KNDC1: variants seen among roughly 807,000 people sequenced by gnomAD.
The protein encoded by KNDC1 is kinase non-catalytic C-lobe domain-containing protein 1.
In KNDC1, 106 loss-of-function variants were observed where a neutral mutation model predicts 172.8. The observed-to-expected ratio is 0.61, with a 90% CI of 0.52 to 0.72. KNDC1 has a LOEUF of 0.72. Among genes scored for constraint, KNDC1 ranks in the 30% least tolerant of loss-of-function variants. The pLI is 0.00. For synonymous variants in KNDC1, 1,083 were observed against 1,062.2 expected, an observed-to-expected ratio of 1.02 and a Z score of -0.38; for missense variants, 2,325 against 2,394.5, an observed-to-expected ratio of 0.97 and a Z score of 0.61.
intron 6 of KNDC1, 34 bp downstream of exon 6, chr10:133,186,708 G>A: frequency 6.7e-7 from 1 of 1,503,472 alleles, no homozygotes; most frequent in South Asian, 1.3e-5. Flanking sequence ...GGGTGGAGGG[G>A]TCGGCGGTCA....
intron 3 of KNDC1, among the ~76,000 whole-genome samples, chr10:133,177,653 T>C (rs1853584233): frequency 2.0e-5 from 3 of 151,988 alleles, no homozygotes; most frequent in Admixed American, 1.3e-4. Flanking sequence ...TTGCATGATG[T>C]GTACATGCAT....
chr10:133,168,653 A>G (rs1206687871), intron 3 of KNDC1, among the ~76,000 whole-genome samples: 3 of 152,162 alleles, frequency 2.0e-5, no homozygotes, highest in African/African-American at 2.4e-5. Flanking sequence ...CGAATTTACT[A>G]CACTTAACAT....
At position 133,163,424 on chromosome 10, in the gene KNDC1, GT is replaced by G. The variant is rs1853042236; in HGVS notation, c.102+2856del. On this transcript the variant is annotated intron_variant, in intron 1 of 29. Coordinates refer to ENST00000304613, the MANE Select transcript of KNDC1 (RefSeq NM_152643.8). This position sits in a 1 kb window ranked among gnomAD's most constrained non-coding sequence, Gnocchi z 4.4. ...GGGGGCTCCCAGTAAAGAAGAGGAC[GT>G]CCCCGCTGCAGGGTCCATATGACAT... Among the ~76,000 whole-genome samples the G allele has an allele frequency of 6.6e-6, 1 of 152,146 alleles. No individual in the cohort carries two copies. The highest frequency in any genetic ancestry group is 2.1e-4 in the South Asian group (1 of 4,820).
At chr10:133,187,944 C>T (rs1280022334) in intron 6 of KNDC1, among the ~76,000 whole-genome samples, 1 of 133,454 alleles carries the variant, frequency 7.5e-6, no homozygotes, top group African/African-American at 3.7e-5. Context: ...CCCTGCACCC[C>T]GTCCCACCCT....
At chr10:133,164,949 C>T (rs569851605) in intron 1 of KNDC1, among the ~76,000 whole-genome samples, 65 of 151,950 alleles carry the variant, frequency 4.3e-4, no homozygotes, top group Middle Eastern at 3.2e-3. Flanking sequence ...AGTGTGGATT[C>T]GGGCAAGGAG....
At chr10:133,178,709 C>G (rs1853629551) in intron 3 of KNDC1, 3 of 152,354 alleles carry the variant, frequency 2.0e-5, no homozygotes. Context: ...CTCTTTCTTC[C>G]TTGTGGTTTT....
chr10:133,214,754 G>A (rs1845441539), intron 26 of KNDC1, among the ~76,000 whole-genome samples: 1 of 152,246 alleles, frequency 6.6e-6, no homozygotes, highest in Admixed American at 6.5e-5. Context: ...CCGGGGCCCA[G>A]TCTCAGCCTC....
Position 133,183,472 on chromosome 10 carries a change from G to A in KNDC1, c.489G>A (p.Gly163=). The change falls in exon 4 of 30, where the codon GGG becomes GGA. Residue 163 remains glycine (G), a synonymous_variant. Coordinates refer to ENST00000304613, the MANE Select transcript of KNDC1 (RefSeq NM_152643.8). ...GCCGGATGCAGGCGGAGGACCCCGGGGACCGGCCGGACCTTGAGGTAAGCG... is the reference window on the plus strand; with the variant it reads ...GCCGGATGCAGGCGGAGGACCCCGGAGACCGGCCGGACCTTGAGGTAAGCG... ...LLSRMQAEDP[G]DRPDLESIIA... 3.7e-6 allele frequency: 6 copies of A among 1,603,286 alleles called. No homozygotes were observed. Among genetic ancestry groups the A allele is most frequent in the Non-Finnish European group, 4.2e-6 (5 of 1,177,352 alleles).
chr10:133,200,382 G>A lies in KNDC1; in HGVS notation c.2911G>A (p.Glu971Lys), dbSNP rs753437659. 8.4e-5 allele frequency: 134 copies of A among 1,591,826 alleles called. No individual in the cohort carries two copies. The highest frequency in any genetic ancestry group is 1.1e-4 in the Non-Finnish European group (126 of 1,170,244). The change falls in exon 16 of 30, where the codon GAG becomes AAG. Residue 971 changes from glutamate (E) to lysine (K), a missense_variant. Physicochemically the swap from Glu to Lys is moderately conservative, Grantham distance 56. Transcript: ENST00000304613. The stretch of plus-strand genomic sequence containing the variant: ...CTGCATTCTCGTCGTCAGCACGGCC[G>A]AGGAGGCTGGGTCACAGCTCGAGGG... ...GQASPSPSTAEEAGSQLEGSQ... is the reference protein window; with the variant it reads ...GQASPSPSTAKEAGSQLEGSQ...
intron 3 of KNDC1, among the ~76,000 whole-genome samples, chr10:133,180,293 C>T (rs1853677732): frequency 6.6e-6 from 1 of 152,248 alleles, no homozygotes; most frequent in African/African-American, 2.4e-5. Flanking sequence ...GAGCTCCCTG[C>T]ATCGGTGCAA....
intron 29 of KNDC1, among the ~76,000 whole-genome samples, chr10:133,223,268 GGCATGTGT>G (rs1845646227): frequency 2.6e-5 from 1 of 39,138 alleles, no homozygotes; most frequent in Admixed American, 3.3e-4. Flanking sequence ...TGCTCTTCTC[GGCATGTGT>G]GTGTGTGTGT....
chr10:133,160,359 C>A lies in KNDC1; in HGVS notation c.-109C>A. 1 of 400,586 alleles carries A rather than the reference C, an allele frequency of 2.5e-6. No homozygotes were observed. The highest frequency in any genetic ancestry group is 3.8e-6 in the Non-Finnish European group (1 of 264,986). The allele number at this position is 400,586 out of a possible 1,614,324, so 24.8% of individuals were successfully genotyped here. On this transcript the variant is annotated 5_prime_UTR_variant, in exon 1 of 30. Transcript: ENST00000304613. ...AGACACTGCGGCAGCGGCGGGCGGG[C>A]GGGGGCGGGCGAGGGCCGGGCGCGT...
Position 133,224,565 on chromosome 10 carries a change from C to G in KNDC1, c.5019-94C>G. ...ATTTACACGGTGAAAAGATTTAGTCCAAATGATTCCTAAGAACGCGGGGGG... is the reference window on the plus strand; with the variant it reads ...ATTTACACGGTGAAAAGATTTAGTCGAAATGATTCCTAAGAACGCGGGGGG... On this transcript the variant is annotated intron_variant, in intron 29 of 29. Coordinates refer to ENST00000304613, the MANE Select transcript of KNDC1 (RefSeq NM_152643.8). This position sits in a 1 kb window ranked among gnomAD's most constrained non-coding sequence, Gnocchi z 5.4. 1.2e-6 allele frequency: 1 copy of G among 859,998 alleles called. No homozygotes were observed. The highest frequency in any genetic ancestry group is 1.7e-5 in the South Asian group (1 of 58,352). The allele number at this position is 859,998 out of a possible 1,614,324, so 53.3% of individuals were successfully genotyped here.
rs745521685 is a variant in KNDC1, at chr10:133,198,668, C to T, written c.2160C>T (p.His720=). The part of the protein sequence containing the change: ...EGEEKLSLEA[H]AGSPSLKTPD... ...AGGAGAAGCTCTCCCTGGAGGCCCACGCTGGGTCCCCCAGCCTGAAGACGC... is the reference window on the plus strand; with the variant it reads ...AGGAGAAGCTCTCCCTGGAGGCCCATGCTGGGTCCCCCAGCCTGAAGACGC... Residue 720 remains histidine, a synonymous_variant, in exon 14 of 30, where the codon CAC becomes CAT. Transcript: ENST00000304613. The T allele has an allele frequency of 1.1e-5, 18 of 1,595,106 alleles. No individual in the cohort carries two copies. Among genetic ancestry groups the T allele is most frequent in the South Asian group, 6.8e-5 (6 of 88,488 alleles).
chr10:133,165,768 C>T (rs553308656), intron 1 of KNDC1, among the ~76,000 whole-genome samples: 3 of 152,272 alleles, frequency 2.0e-5, no homozygotes, highest in Non-Finnish European at 2.9e-5. Context: ...CTGGGAGCTT[C>T]GGGCTCTCTG....
Position 133,219,944 on chromosome 10 carries a change from T to C in KNDC1, c.4861-11T>C. On this transcript the variant is annotated splice_polypyrimidine_tract_variant and intron_variant, in intron 28 of 29. Transcript: ENST00000304613. The stretch of plus-strand genomic sequence containing the variant: ...GTCTCTCCCCGGCCCACGCCCCGGC[T>C]GGACCACCAGGTCTTCCTGAAGAGC... 2.6e-6 allele frequency: 4 copies of C among 1,547,756 alleles called. No individual in the cohort carries two copies. The highest frequency in any genetic ancestry group is 3.5e-6 in the Non-Finnish European group (4 of 1,144,856).
chr10:133,217,159 T>A (rs1264572433), intron 26 of KNDC1, among the ~76,000 whole-genome samples: 1 of 152,228 alleles, frequency 6.6e-6, no homozygotes, highest in Non-Finnish European at 1.5e-5. Context: ...CAAAGGTAAA[T>A]CCTCTATTAC....
intron 3 of KNDC1, among the ~76,000 whole-genome samples, chr10:133,168,751 T>C (rs7094702): frequency 0.14 from 21,737 of 152,294 alleles, 1,676 homozygotes; most frequent in Middle Eastern, 0.22. Flanking sequence ...TCACAGCCTC[T>C]CCAGACACAA....
At chr10:133,219,128 C>T (rs957257032) in intron 28 of KNDC1, 38 bp downstream of exon 28, 3 of 1,598,866 alleles carry the variant, frequency 1.9e-6, no homozygotes, top group East Asian at 2.2e-5. Flanking sequence ...CTTTGGTCCC[C>T]CGAGGCCCTC....
Sources: allele counts gnomAD v4.1 joint callset (sites outside exome capture counted in the v4.1 genomes callset), GRCh38; gene constraint gnomAD v4.1.1; non-coding constraint Gnocchi (gnomAD v3.1); transcripts MANE v1.5; gene names NCBI Gene and HGNC (gene_info 2026-07-23, HGNC 2026-07-21).